The following ASCC1 variants were observed in gnomAD, a reference collection of about 807,000 sequenced individuals.
The protein encoded by ASCC1 is ASC-1 complex subunit P50.
A neutral mutation model predicts 46.6 loss-of-function variants in ASCC1; 35 were observed. The observed-to-expected ratio is 0.75, with a 90% CI of 0.57 to 0.99. The LOEUF is 0.99. Ranked by LOEUF, ASCC1 falls within the 50% of genes least tolerant of loss-of-function variation. The pLI is 0.00. For missense variants in ASCC1, 376 were observed against 428.7 expected, an observed-to-expected ratio of 0.88 and a Z score of 1.09; for synonymous variants, 143 against 146.6, an observed-to-expected ratio of 0.98 and a Z score of 0.18.
chr10:72,098,315 T>C (rs1327134450), intron 9 of ASCC1, among the ~76,000 whole-genome samples: 1 of 152,208 alleles, frequency 6.6e-6, no homozygotes, highest in African/African-American at 2.4e-5. Flanking sequence ...TCTGTTAGGA[T>C]GTAGGAATTG....
intron 6 of ASCC1, among the ~76,000 whole-genome samples, chr10:72,160,127 A>G: frequency 6.6e-6 from 1 of 152,074 alleles, no homozygotes; most frequent in African/African-American, 2.4e-5. Flanking sequence ...GATGATCTCG[A>G]TCTCCTGACC....
At chr10:72,215,091 T>A (rs185028408) in intron 1 of ASCC1, among the ~76,000 whole-genome samples, 8 of 152,282 alleles carry the variant, frequency 5.3e-5, no homozygotes, top group African/African-American at 1.9e-4. Flanking sequence ...AACAAGTTGA[T>A]CCTTACTAAA....
chr10:72,131,326 G>A (rs772915904), intron 8 of ASCC1, among the ~76,000 whole-genome samples: 5 of 152,080 alleles, frequency 3.3e-5, no homozygotes, highest in Non-Finnish European at 7.4e-5. Context: ...GGCTGAGGCA[G>A]GAGAATTGCT....
In ASCC1 at chr10:72,147,267, T is replaced by C. The variant is rs1358904329; in HGVS notation, c.746+5602A>G. Among the ~76,000 whole-genome samples the C allele has an allele frequency of 4.6e-5, 7 of 152,042 alleles. No individual in the cohort carries two copies. In the East Asian group the frequency reaches 1.3e-3, roughly 29 times the overall value. ...GGATATTTCACAACACCTTTTATTT[T>C]TTTTGTGATGGAGTTTCGTTCTGTT... On this transcript the variant is annotated intron_variant, in intron 7 of 9. Transcript: ENST00000672957.
chr10:72,213,220 G>C lies in ASCC1; in HGVS notation c.79C>G (p.Gln27Glu). ...AAGTCCTCTTCATCTTCTTCATGTT[G>C]ATAGGTCTGTTCTTGGACTGGATTC... ...RKNPVQEQTYQHEEDEEDFYQ... is the reference protein window; with the variant it reads ...RKNPVQEQTYEHEEDEEDFYQ... The change falls in exon 2 of 10, where the codon CAA becomes GAA. Residue 27 changes from glutamine to glutamate, a missense_variant. Gln to Glu is a conservative substitution (Grantham distance 29, BLOSUM62 2). Transcript: ENST00000672957. The C allele has an allele frequency of 1.2e-6, 2 of 1,613,734 alleles. No homozygotes were observed. Among genetic ancestry groups the C allele is most frequent in the Non-Finnish European group, 1.7e-6 (2 of 1,179,732 alleles).
At chr10:72,207,814 T>TG (rs1857426539) in intron 3 of ASCC1, among the ~76,000 whole-genome samples, 1 of 107,696 alleles carries the variant, frequency 9.3e-6, no homozygotes, top group South Asian at 2.9e-4. Context: ...GAAATCTTAG[T>TG]ATTTTTTTTT....
chr10:72,204,840 T>C (rs534633137), intron 3 of ASCC1, among the ~76,000 whole-genome samples: 21 of 152,302 alleles, frequency 1.4e-4, no homozygotes, highest in Middle Eastern at 3.4e-3. Context: ...GTCTTTGTTT[T>C]CCCACCTTAC....
chr10:72,101,489 G>A (rs1320951600), intron 9 of ASCC1, among the ~76,000 whole-genome samples: 1 of 152,068 alleles, frequency 6.6e-6, no homozygotes, highest in Non-Finnish European at 1.5e-5. Context: ...AGAGGAGGGA[G>A]GGCAGCATGA....
At chr10:72,143,838 C>T (rs1431631231) in intron 7 of ASCC1, among the ~76,000 whole-genome samples, 1 of 151,180 alleles carries the variant, frequency 6.6e-6, no homozygotes, top group Admixed American at 6.6e-5. Context: ...TCAGTTTTTC[C>T]CTAATAAAAA....
chr10:72,148,708 G>A (rs1847924395), intron 7 of ASCC1, among the ~76,000 whole-genome samples: 1 of 152,106 alleles, frequency 6.6e-6, no homozygotes. Context: ...ATAACTCAGT[G>A]AACCAGTATT....
intron 7 of ASCC1, among the ~76,000 whole-genome samples, chr10:72,136,809 C>A (rs1452834694): frequency 3.3e-5 from 5 of 151,960 alleles, no homozygotes; most frequent in African/African-American, 9.7e-5. Flanking sequence ...CCGGAAGGAA[C>A]AAACAACTCC....
intron 9 of ASCC1, among the ~76,000 whole-genome samples, chr10:72,115,724 AG>A (rs1843425078): frequency 6.6e-6 from 1 of 152,242 alleles, no homozygotes; most frequent in African/African-American, 2.4e-5. Flanking sequence ...GTATAATGGT[AG>A]AGGTGGCAGA....
intron 5 of ASCC1, among the ~76,000 whole-genome samples, chr10:72,185,607 TAGC>T (rs1337912664): frequency 6.6e-6 from 1 of 152,148 alleles, no homozygotes; most frequent in East Asian, 1.9e-4. Context: ...GGAAACCTAA[TAGC>T]AACACAAAAT....
intron 5 of ASCC1, among the ~76,000 whole-genome samples, chr10:72,172,414 CAAAAAAAAAAAA>C (rs1041390323): frequency 2.5e-5 from 1 of 40,300 alleles, no homozygotes; most frequent in Non-Finnish European, 4.7e-5. Flanking sequence ...AACTCAGTCT[CAAAAAAAAAAAA>C]AAAAAAAAAG....
At chr10:72,098,046 A>C (rs1358680059) in intron 9 of ASCC1, among the ~76,000 whole-genome samples, 1 of 152,224 alleles carries the variant, frequency 6.6e-6, no homozygotes, top group African/African-American at 2.4e-5. Flanking sequence ...ACAAGTGATT[A>C]CTTATCAAAT....
intron 6 of ASCC1, among the ~76,000 whole-genome samples, chr10:72,153,793 C>T (rs757599331): frequency 4.6e-5 from 7 of 151,840 alleles, no homozygotes; most frequent in Non-Finnish European, 8.8e-5. Flanking sequence ...GGCACGATCT[C>T]GGATTGCAAC....
intron 5 of ASCC1, among the ~76,000 whole-genome samples, chr10:72,187,375 G>A (rs1440799551): frequency 2.1e-5 from 3 of 144,818 alleles, no homozygotes; most frequent in South Asian, 2.2e-4. Flanking sequence ...AGGCCGAGGC[G>A]GGTGGATCAC....
At chr10:72,201,504 G>GC (rs1856492078) in intron 4 of ASCC1, among the ~76,000 whole-genome samples, 1 of 151,996 alleles carries the variant, frequency 6.6e-6, no homozygotes, top group African/African-American at 2.4e-5. Context: ...GGGCAACATA[G>GC]CAAGACCCCA....
chr10:72,159,903 C>CTTTTTTTT (rs900754769), intron 6 of ASCC1, among the ~76,000 whole-genome samples: 1 of 129,940 alleles, frequency 7.7e-6, no homozygotes, highest in Non-Finnish European at 1.7e-5. Flanking sequence ...TACACAGTTT[C>CTTTTTTTT]TTTTTTTTTT....
Sources: gnomAD v4.1 joint callset for allele counts (sites outside exome capture counted in the v4.1 genomes callset) on GRCh38, gnomAD v4.1.1 for gene constraint, MANE v1.5 for transcripts, NCBI Gene and HGNC (gene_info 2026-07-23, HGNC 2026-07-21) for gene names.